The following MAGI2 variants were observed in gnomAD, a reference collection of about 807,000 sequenced individuals.
MAGI2 encodes membrane-associated guanylate kinase, WW and PDZ domain-containing protein 2.
In MAGI2, 35 loss-of-function variants were observed where a neutral mutation model predicts 133.3. The observed-to-expected ratio is 0.26, with a 90% CI of 0.20 to 0.35. The LOEUF is 0.35. MAGI2 is among the 10% of genes least tolerant of loss of function. The pLI is 1.00. For missense variants in MAGI2, 1,636 were observed against 1,863.4 expected (o/e 0.88, Z 2.25); for synonymous variants, 729 against 710.6 (o/e 1.03, Z -0.41).
At chr7:78,623,174 C>T (rs1283133724) in intron 3 of MAGI2, among the ~76,000 whole-genome samples, 1 of 151,954 alleles carries the variant, frequency 6.6e-6, no homozygotes, top group Non-Finnish European at 1.5e-5. Flanking sequence ...CATAATTTTT[C>T]AGCTTATATA....
At chr7:78,784,483 C>G (rs376733881) in intron 2 of MAGI2, among the ~76,000 whole-genome samples, 1 of 152,216 alleles carries the variant, frequency 6.6e-6, no homozygotes, top group African/African-American at 2.4e-5. Context: ...ATCACTCTAA[C>G]TTTCCCCACC....
At chr7:79,158,079 A>G (rs1222666754) in intron 1 of MAGI2, among the ~76,000 whole-genome samples, 1 of 152,034 alleles carries the variant, frequency 6.6e-6, no homozygotes, top group Non-Finnish European at 1.5e-5. Context: ...TCCATACCAT[A>G]TGATATAAAT....
At chr7:79,355,200 G>C (rs1293189050) in intron 1 of MAGI2, among the ~76,000 whole-genome samples, 1 of 152,162 alleles carries the variant, frequency 6.6e-6, no homozygotes, top group Non-Finnish European at 1.5e-5. Context: ...TCCTGCCCAA[G>C]ATCTGTCCTC....
chr7:78,912,005 C>T (rs1049949780), intron 2 of MAGI2, among the ~76,000 whole-genome samples: 3 of 152,074 alleles, frequency 2.0e-5, no homozygotes, highest in African/African-American at 7.2e-5. Context: ...CCTTAGCAAA[C>T]TAATGCAGCA....
At chr7:78,675,400 G>T (rs1399724922) in intron 2 of MAGI2, among the ~76,000 whole-genome samples, 1 of 151,978 alleles carries the variant, frequency 6.6e-6, no homozygotes, top group Non-Finnish European at 1.5e-5. Context: ...GAGGAGGAAA[G>T]GAAGGAGGGA....
intron 1 of MAGI2, among the ~76,000 whole-genome samples, chr7:79,045,716 C>G (rs578233525): frequency 6.6e-6 from 1 of 152,166 alleles, no homozygotes; most frequent in South Asian, 2.1e-4. Flanking sequence ...GGCGTGAACC[C>G]GGGAGGCAGA....
chr7:78,716,408 CAT>C (rs1819707398), intron 2 of MAGI2, among the ~76,000 whole-genome samples: 1 of 151,924 alleles, frequency 6.6e-6, no homozygotes, highest in African/African-American at 2.4e-5. Context: ...AAGATGAGAA[CAT>C]GTGTTAGTAG....
intron 3 of MAGI2, among the ~76,000 whole-genome samples, chr7:78,591,338 T>C (rs902236076): frequency 6.6e-6 from 1 of 152,182 alleles, no homozygotes; most frequent in African/African-American, 2.4e-5. Context: ...CAAGAGCGGG[T>C]TAGAGATCTC....
chr7:78,626,762 G>A (rs868012426), intron 3 of MAGI2, among the ~76,000 whole-genome samples: 7 of 151,804 alleles, frequency 4.6e-5, no homozygotes, highest in Non-Finnish European at 5.9e-5. Flanking sequence ...GACATCTTGA[G>A]ATAAAGACGT....
intron 10 of MAGI2, among the ~76,000 whole-genome samples, chr7:78,221,678 CAGTT>C (rs1466922564): frequency 1.3e-5 from 2 of 152,062 alleles, no homozygotes; most frequent in African/African-American, 2.4e-5. Context: ...TTATTAATGA[CAGTT>C]AGATAAAAAC....
At chr7:78,555,133 G>GAAATAAATAAATAAAT (rs199696275) in intron 3 of MAGI2, among the ~76,000 whole-genome samples, 17 of 130,156 alleles carry the variant, frequency 1.3e-4, no homozygotes, top group South Asian at 7.7e-4. Flanking sequence ...GGCACTGTCA[G>GAAATAAATAAATAAAT]AAATAAATAA....
chr7:78,278,657 A>G (rs991925644), intron 9 of MAGI2, among the ~76,000 whole-genome samples: 5 of 152,176 alleles, frequency 3.3e-5, no homozygotes, highest in African/African-American at 1.2e-4. Flanking sequence ...TAAGTAAAGG[A>G]GATCATCGTT....
chr7:78,932,929 G>A (rs1800244289), intron 2 of MAGI2, among the ~76,000 whole-genome samples: 1 of 152,104 alleles, frequency 6.6e-6, no homozygotes, highest in South Asian at 2.1e-4. Flanking sequence ...AGGATGTTAA[G>A]GACTGAATAA....
intron 9 of MAGI2, among the ~76,000 whole-genome samples, chr7:78,272,113 A>C (rs57500811): frequency 0.2 from 29,992 of 152,146 alleles, 3,350 homozygotes; most frequent in South Asian, 0.31. Context: ...ACACTGCTTA[A>C]ATGTGTCCCA....
At chr7:79,161,816 T>C (rs1398811180) in intron 1 of MAGI2, among the ~76,000 whole-genome samples, 1 of 152,116 alleles carries the variant, frequency 6.6e-6, no homozygotes, top group African/African-American at 2.4e-5. Context: ...TATGACAATA[T>C]AGTTGTTTGC....
At chr7:78,965,794 G>A (rs1043495540) in intron 2 of MAGI2, among the ~76,000 whole-genome samples, 3 of 152,054 alleles carry the variant, frequency 2.0e-5, no homozygotes, top group Admixed American at 6.6e-5. Context: ...CAGAACTTGA[G>A]CTTTTAAAAT....
At chr7:78,884,556 C>G (rs1796122421) in intron 2 of MAGI2, among the ~76,000 whole-genome samples, 1 of 151,984 alleles carries the variant, frequency 6.6e-6, no homozygotes, top group Non-Finnish European at 1.5e-5. Flanking sequence ...AGGCAGCTAA[C>G]AAACATGAAA....
At chr7:79,356,892 G>A (rs945062345) in intron 1 of MAGI2, among the ~76,000 whole-genome samples, 2 of 152,004 alleles carry the variant, frequency 1.3e-5, no homozygotes, top group African/African-American at 4.8e-5. Context: ...CATTCTCTAG[G>A]TCCAAAATCA....
Position 78,080,616 on chromosome 7 carries a change from A to G in MAGI2, c.3568-1531T>C, listed in dbSNP as rs541470005. On this transcript the variant is annotated intron_variant, in intron 20 of 21. Coordinates refer to ENST00000354212, the MANE Select transcript of MAGI2 (RefSeq NM_012301.4). The stretch of plus-strand genomic sequence containing the variant: ...CAGTTCCAATGAAGTTACATATAGA[A>G]AAAGTGTTCCTTCCTGGCTAGACTC... Among the ~76,000 whole-genome samples, 81 of 152,310 alleles carry G rather than the reference A, an allele frequency of 5.3e-4. No individual in the cohort carries two copies. In the South Asian group the frequency reaches 0.016, roughly 31 times the overall value.
Sources: allele counts gnomAD v4.1 joint callset (sites outside exome capture counted in the v4.1 genomes callset), GRCh38; gene constraint gnomAD v4.1.1; transcripts MANE v1.5; gene names NCBI Gene and HGNC (gene_info 2026-07-23, HGNC 2026-07-21).